Variants in DDOST observed in about 807,000 individuals in gnomAD.
DDOST encodes dolichyl-diphosphooligosaccharide--protein glycosyltransferase non-catalytic subunit.
DDOST carries 25 observed loss-of-function variants against 47.6 expected under a neutral mutation model. The observed-to-expected ratio is 0.53, with a 90% CI of 0.38 to 0.73. DDOST has a LOEUF of 0.73. Among genes scored for constraint, DDOST ranks in the 30% least tolerant of loss-of-function variants. The pLI, the probability that DDOST is intolerant of heterozygous loss-of-function variation, is 0.00. For synonymous variants in DDOST, 275 were observed against 236.0 expected (o/e 1.17, Z -1.51); for missense variants, 526 against 573.9 (o/e 0.92, Z 0.85).
chr1:20,654,613 C>G lies in DDOST; in HGVS notation c.645+1G>C. On this transcript the variant is annotated splice_donor_variant, in intron 6 of 10. Coordinates refer to ENST00000602624, the MANE Select transcript of DDOST (RefSeq NM_005216.5). LOFTEE classifies it high-confidence loss of function. ...AAGCCTCAAGGTTGTGAAGCCCTTA[C>G]CTGGGTGATAGGCTTGTCCGGGAAG... 1 of 1,559,162 alleles carries G rather than the reference C, an allele frequency of 6.4e-7. No individual in the cohort carries two copies. The highest frequency in any genetic ancestry group is 8.7e-7 in the Non-Finnish European group (1 of 1,149,936).
At chr1:20,653,135 G>A in intron 8 of DDOST, 164 bp from the exon 9 acceptor site, 1 of 720,070 alleles carries the variant, frequency 1.4e-6, no homozygotes, top group East Asian at 2.7e-5. Flanking sequence ...TCAGTAACCA[G>A]TCTCTCTCCT....
intron 2 of DDOST, among the ~76,000 whole-genome samples, chr1:20,657,284 C>T (rs977881971): frequency 6.6e-6 from 1 of 152,174 alleles, no homozygotes; most frequent in Non-Finnish European, 1.5e-5. Flanking sequence ...GCACCCCACA[C>T]GAGGGACCTG....
intron 2 of DDOST, chr1:20,660,592 T>G: frequency 4.2e-6 from 1 of 235,432 alleles, no homozygotes; most frequent in Non-Finnish European, 8.4e-6. Flanking sequence ...CTTTCCATCT[T>G]TTTATCAGGC....
rs1449173709 is a variant in DDOST at position 20,655,433 on chromosome 1, C to CGT, written c.551+6_551+7insAC. 1 of 1,607,930 alleles carries CGT rather than the reference C, an allele frequency of 6.2e-7. No homozygotes were observed. Among genetic ancestry groups the CGT allele is most frequent in the Non-Finnish European group, 8.5e-7 (1 of 1,175,416 alleles). ...TTCTGCTGTCCTCTCCCTGCTCACT[C>CGT]ACTCACCCAACACCTCGAAAGAGGA... is the stretch of plus-strand genomic sequence containing the variant. On this transcript the variant is annotated splice_region_variant and intron_variant, in intron 5 of 10. Coordinates refer to ENST00000602624, the MANE Select transcript of DDOST (RefSeq NM_005216.5).
At position 20,652,257 on chromosome 1, in the gene DDOST, T is replaced by G. The variant is rs1011294204; in HGVS notation, c.*122A>C. ...ACCCCTTGGCTCTCAGTGTTGCATC[T>G]CCCACAGAGGTAAAGTTGTGCCATT... On this transcript the variant is annotated 3_prime_UTR_variant, in exon 11 of 11. Coordinates refer to ENST00000602624, the MANE Select transcript of DDOST (RefSeq NM_005216.5). The G allele has an allele frequency of 7.9e-6, 8 of 1,016,922 alleles. No homozygotes were observed. The African/African-American group carries it at 9.7e-5, about 12-fold the overall frequency. 63.0% of individuals were successfully genotyped at this position (1,016,922 alleles called of 1,614,324 possible).
At chr1:20,652,759 G>A in intron 9 of DDOST, 32 bp from the exon 10 acceptor site, 2 of 1,613,730 alleles carry the variant, frequency 1.2e-6, no homozygotes, top group Non-Finnish European at 1.7e-6. Flanking sequence ...TAACCGGGAG[G>A]GGTTTCCCAG....
chr1:20,660,214 G>C (rs1370483225), intron 2 of DDOST, among the ~76,000 whole-genome samples: 2 of 152,158 alleles, frequency 1.3e-5, no homozygotes, highest in Non-Finnish European at 1.5e-5. Flanking sequence ...GTGCTGGGGA[G>C]CATAAGAACA....
At position 20,655,685 on chromosome 1, in the gene DDOST, G is replaced by T. The variant is rs751958293; in HGVS notation, c.447C>A (p.Asp149Glu). ...TGACAGGCCTGATTACCTGGCCAAG[G>T]TCTGAGATGTCATAGTTGTGATGGT... ...VIDHHNYDIS[D>E]LGQHTLIVAD... Residue 149 changes from aspartate to glutamate, a missense_variant, in exon 4 of 11, where the codon GAC becomes GAA. Coordinates refer to ENST00000602624, the MANE Select transcript of DDOST (RefSeq NM_005216.5). 4.3e-6 allele frequency: 7 copies of T among 1,613,534 alleles called. No homozygotes were observed. The highest frequency in any genetic ancestry group is 5.9e-6 in the Non-Finnish European group (7 of 1,179,566).
intron 9 of DDOST, 42 bp downstream of exon 9, chr1:20,652,809 G>A (rs765422891): frequency 1.3e-6 from 2 of 1,565,388 alleles, no homozygotes; most frequent in South Asian, 2.2e-5. Flanking sequence ...GTGAGGCCTG[G>A]GGCCGTTTCT....
chr1:20,653,000 C>A, intron 8 of DDOST, 29 bp from the exon 9 acceptor site: 1 of 1,612,536 alleles, frequency 6.2e-7, no homozygotes, highest in South Asian at 1.1e-5. Flanking sequence ...TTAGCCAGGG[C>A]TGGCCATGAC....
At position 20,652,263 on chromosome 1, in the gene DDOST, A is replaced by G. The variant is rs2053299943; in HGVS notation, c.*116T>C. The G allele has an allele frequency of 9.4e-7, 1 of 1,069,016 alleles. No individual in the cohort carries two copies. The highest frequency in any genetic ancestry group is 1.6e-5 in the African/African-American group (1 of 62,658). The allele number at this position is 1,069,016 out of a possible 1,614,324, so 66.2% of individuals were successfully genotyped here. A position where few individuals can be genotyped will look rare whatever the true frequency, so the allele number is the denominator to read the frequency against. On this transcript the variant is annotated 3_prime_UTR_variant, in exon 11 of 11. Coordinates refer to ENST00000602624, the MANE Select transcript of DDOST (RefSeq NM_005216.5). ...TGGCTCTCAGTGTTGCATCTCCCAC[A>G]GAGGTAAAGTTGTGCCATTTTCCCA...
chr1:20,657,963 G>T (rs1013425851), intron 2 of DDOST, among the ~76,000 whole-genome samples: 3 of 136,954 alleles, frequency 2.2e-5, no homozygotes, highest in Non-Finnish European at 4.7e-5. Flanking sequence ...TAACAGGGAA[G>T]TGGCCACTGG....
In DDOST at chr1:20,654,278, A is replaced by C. The variant is rs1445640702; in HGVS notation, c.739T>G (p.Phe247Val). ...RVIFSGSLDF[F>V]SDSFFNSAVQ... ...GCTGAGTTGAAGAAGGAGTCGCTGAAGAAGTCGAGGGAGCCGCTGAAGATG... is the reference window on the plus strand; with the variant it reads ...GCTGAGTTGAAGAAGGAGTCGCTGACGAAGTCGAGGGAGCCGCTGAAGATG... The change falls in exon 7 of 11, where the codon TTC becomes GTC. Residue 247 changes from phenylalanine (F) to valine (V), a missense_variant. Phe to Val is a conservative substitution (Grantham distance 50, BLOSUM62 -1). Coordinates refer to ENST00000602624, the MANE Select transcript of DDOST (RefSeq NM_005216.5). 1 of 1,551,948 alleles carries C rather than the reference A, an allele frequency of 6.4e-7. No homozygotes were observed. Among genetic ancestry groups the C allele is most frequent in the African/African-American group, 1.4e-5 (1 of 73,086 alleles).
Position 20,661,206 on chromosome 1 carries a change from T to C in DDOST, c.145A>G (p.Ser49Gly). 1 of 1,613,662 alleles carries C rather than the reference T, an allele frequency of 6.2e-7. No homozygotes were observed. Among genetic ancestry groups the C allele is most frequent in the Middle Eastern group, 1.7e-4 (1 of 5,920 alleles). ...CGGACCCCGCTCTCACCCTTCAGGC[T>C]CCGGAAGAAAAGCGAATGAGTCTCC... The part of the protein sequence containing the change: ...VRETHSLFFR[S>G]LKDRGFELTF... Residue 49 changes from serine (S) to glycine (G), a missense_variant, in exon 1 of 11, where the codon AGC (serine) becomes GGC (glycine). Transcript: ENST00000602624.
chr1:20,658,856 C>CTT (rs112536606), intron 2 of DDOST, among the ~76,000 whole-genome samples: 65 of 132,800 alleles, frequency 4.9e-4, no homozygotes, highest in African/African-American at 1.5e-3. Context: ...TTTCTCTTTT[C>CTT]TTTTTTTTTT....
chr1:20,653,055 A>C (rs1570412696), intron 8 of DDOST, 84 bp from the exon 9 acceptor site: 2 of 1,562,570 alleles, frequency 1.3e-6, no homozygotes, highest in East Asian at 2.3e-5. Flanking sequence ...CTTAATTCCC[A>C]CCCGACGAAC....
At chr1:20,659,167 T>C (rs1332405281) in intron 2 of DDOST, among the ~76,000 whole-genome samples, 1 of 152,066 alleles carries the variant, frequency 6.6e-6, no homozygotes, top group Non-Finnish European at 1.5e-5. Context: ...CTTTTCTTTT[T>C]TTTTTTTTTA....
rs116473132 is a variant in DDOST, at chr1:20,658,105, G to C, written c.266-1918C>G. Among the ~76,000 whole-genome samples, 1,131 of 152,322 alleles carry C rather than the reference G, an allele frequency of 7.4e-3. 14 individuals carry two copies. Among genetic ancestry groups the C allele is most frequent in the African/African-American group, 0.025 (1,039 of 41,568 alleles). On this transcript the variant is annotated intron_variant, in intron 2 of 10. Transcript: ENST00000602624. ...ACTCTTGTAAAGCTGACAGAACACGGGCTTTGAAATCGAGACCACCTGGAG... is the reference window on the plus strand; with the variant it reads ...ACTCTTGTAAAGCTGACAGAACACGCGCTTTGAAATCGAGACCACCTGGAG...
chr1:20,657,270 C>T (rs1212397614), intron 2 of DDOST, among the ~76,000 whole-genome samples: 3 of 152,202 alleles, frequency 2.0e-5, no homozygotes, highest in Non-Finnish European at 4.4e-5. Context: ...CTGCGCAGGG[C>T]TCTGCACCCC....
Sources: gnomAD v4.1 joint callset for allele counts (sites outside exome capture counted in the v4.1 genomes callset) on GRCh38, gnomAD v4.1.1 for gene constraint, MANE v1.5 for transcripts, NCBI Gene and HGNC (gene_info 2026-07-23, HGNC 2026-07-21) for gene names.